SLC4A7: variants seen among roughly 807,000 people sequenced by gnomAD.
SLC4A7 encodes solute carrier family 4 member 7, also known as sodium bicarbonate cotransporter 3.
In SLC4A7, 51 loss-of-function variants were observed where a neutral mutation model predicts 137.6. The ratio of observed to expected loss-of-function variants is 0.37; its 90% CI spans 0.30 to 0.47. SLC4A7 has a LOEUF of 0.47. Among genes scored for constraint, SLC4A7 ranks in the 20% least tolerant of loss-of-function variants. SLC4A7 has a pLI of 1.00. For missense variants in SLC4A7, 1,247 were observed against 1,525.4 expected, an observed-to-expected ratio of 0.82 and a Z score of 3.04; for synonymous variants, 542 against 518.6, an observed-to-expected ratio of 1.05 and a Z score of -0.61.
intron 13 of SLC4A7, 144 bp from the exon 14 acceptor site, chr3:27,405,107 A>G: frequency 2.2e-6 from 1 of 446,632 alleles, no homozygotes; most frequent in Non-Finnish European, 3.8e-6. Context: ...TTTAATTTAA[A>G]ATATAAAAAA....
At position 27,478,205 on chromosome 3, in the gene SLC4A7, A is replaced by AGG. The variant is rs1559857588; in HGVS notation, c.60+5861_60+5862insCC. On this transcript the variant is annotated intron_variant, in intron 1 of 25. Coordinates refer to ENST00000454389, the MANE Select transcript of SLC4A7 (RefSeq NM_001321103.2). The stretch of plus-strand genomic sequence containing the variant: ...ATAAAATTCTCTGAAAAATGAGGAA[A>AGG]AAAAAAAAGGTCATTTAAAACATTA... Among the ~76,000 whole-genome samples, 45 of 102,770 alleles carry AGG rather than the reference A, an allele frequency of 4.4e-4. 2 individuals carry two copies. The highest frequency in any genetic ancestry group is 5.1e-3 in the Middle Eastern group (1 of 196). 67.4% of individuals were successfully genotyped at this position (102,770 alleles called of 152,430 possible).
chr3:27,466,871 T>A lies in SLC4A7; in HGVS notation c.61-14373A>T, dbSNP rs58236108. 5.5e-4 allele frequency among the ~76,000 whole-genome samples: 84 copies of A among 151,984 alleles called. No homozygotes were observed. The Middle Eastern group carries it at 0.01, about 19-fold the overall frequency. ...GACTCCATCTCAAGAAAAAAAAAAT[T>A]TTTTTAATTTTCTTTATATTTTCCT... On this transcript the variant is annotated intron_variant, in intron 1 of 25. Transcript: ENST00000454389.
intron 18 of SLC4A7, among the ~76,000 whole-genome samples, chr3:27,397,475 A>T (rs1436997267): frequency 2.0e-5 from 3 of 151,880 alleles, no homozygotes; most frequent in Admixed American, 2.0e-4. Flanking sequence ...ACCAGCGGTG[A>T]TACTTTTAAG....
At chr3:27,447,817 T>A (rs1211586808) in intron 3 of SLC4A7, among the ~76,000 whole-genome samples, 1 of 152,052 alleles carries the variant, frequency 6.6e-6, no homozygotes, top group Admixed American at 6.6e-5. Context: ...CCTGTCCTTT[T>A]ATATAACTAA....
intron 1 of SLC4A7, among the ~76,000 whole-genome samples, chr3:27,469,207 G>T (rs2059135214): frequency 6.6e-6 from 1 of 152,134 alleles, no homozygotes; most frequent in African/African-American, 2.4e-5. Context: ...CACCGTAGAA[G>T]ATGACTTCTA....
At chr3:27,419,096 G>A (rs2054673837) in intron 10 of SLC4A7, among the ~76,000 whole-genome samples, 1 of 152,124 alleles carries the variant, frequency 6.6e-6, no homozygotes, top group Non-Finnish European at 1.5e-5. Context: ...ATGCAATGGT[G>A]ACAGGTAAGG....
At chr3:27,466,657 G>A (rs982629075) in intron 1 of SLC4A7, among the ~76,000 whole-genome samples, 4 of 152,108 alleles carry the variant, frequency 2.6e-5, no homozygotes, top group African/African-American at 4.8e-5. Context: ...ACGGAGCCCC[G>A]TCTCTATAAA....
chr3:27,374,354 T>C lies in SLC4A7; in HGVS notation c.*2410A>G, dbSNP rs946303741. 4 of 152,552 alleles carry C rather than the reference T, an allele frequency of 2.6e-5. No homozygotes were observed. The highest frequency in any genetic ancestry group is 5.9e-5 in the Non-Finnish European group (4 of 67,954). 9.4% of individuals were successfully genotyped at this position (152,552 alleles called of 1,614,324 possible). ...TATTTTGCACCTTGAGGTAAATCAG[T>C]ACATAGCAACTACTACTGCTTACAT... On this transcript the variant is annotated 3_prime_UTR_variant, in exon 26 of 26. Transcript: ENST00000454389.
At chr3:27,407,568 C>T (rs1017408546) in intron 13 of SLC4A7, among the ~76,000 whole-genome samples, 3 of 152,010 alleles carry the variant, frequency 2.0e-5, no homozygotes, top group Admixed American at 6.6e-5. Flanking sequence ...AGAAGGCCTA[C>T]CTACCCTTAC....
intron 3 of SLC4A7, among the ~76,000 whole-genome samples, chr3:27,447,086 C>T (rs189722757): frequency 1.3e-5 from 2 of 150,104 alleles, no homozygotes; most frequent in Admixed American, 1.3e-4. Flanking sequence ...CGGGGTTTCA[C>T]CATGTTGGCC....
chr3:27,410,626 T>C (rs2053812055), intron 12 of SLC4A7, among the ~76,000 whole-genome samples: 1 of 152,204 alleles, frequency 6.6e-6, no homozygotes, highest in Admixed American at 6.5e-5. Flanking sequence ...ATCAAATTGA[T>C]AATTACTTAA....
intron 1 of SLC4A7, among the ~76,000 whole-genome samples, chr3:27,453,732 T>C (rs987511834): frequency 2.6e-5 from 4 of 152,228 alleles, no homozygotes; most frequent in African/African-American, 7.2e-5. Context: ...TCAAATAAAT[T>C]CCTTGCTATC....
intron 1 of SLC4A7, among the ~76,000 whole-genome samples, chr3:27,473,870 C>G (rs753152082): frequency 6.6e-6 from 1 of 151,408 alleles, no homozygotes; most frequent in Non-Finnish European, 1.5e-5. Context: ...GTGTGTGTAC[C>G]CAAAACAAAA....
chr3:27,395,331 C>T (rs930148724), intron 18 of SLC4A7, among the ~76,000 whole-genome samples: 1 of 152,182 alleles, frequency 6.6e-6, no homozygotes, highest in African/African-American at 2.4e-5. Flanking sequence ...AATCTTTCCA[C>T]CTAGAGGTGG....
intron 13 of SLC4A7, among the ~76,000 whole-genome samples, chr3:27,407,922 C>G (rs553483908): frequency 6.6e-6 from 1 of 152,186 alleles, no homozygotes; most frequent in Admixed American, 6.5e-5. Flanking sequence ...ACTCTACACA[C>G]TCTGGGACCG....
At chr3:27,425,569 G>A (rs563225448) in intron 7 of SLC4A7, among the ~76,000 whole-genome samples, 2 of 145,496 alleles carry the variant, frequency 1.4e-5, no homozygotes, top group African/African-American at 2.6e-5. Flanking sequence ...CCAGCTACTC[G>A]GGAGGCTGAG....
intron 3 of SLC4A7, among the ~76,000 whole-genome samples, chr3:27,442,824 C>T (rs1002927519): frequency 1.3e-5 from 2 of 152,016 alleles, no homozygotes; most frequent in Admixed American, 1.3e-4. Flanking sequence ...TGCTAACAGG[C>T]TGTCCATCTC....
At chr3:27,481,023 T>C (rs893631068) in intron 1 of SLC4A7, among the ~76,000 whole-genome samples, 3 of 152,198 alleles carry the variant, frequency 2.0e-5, no homozygotes, top group Non-Finnish European at 4.4e-5. Flanking sequence ...AAAAATATCA[T>C]GGTCCCAAAA....
chr3:27,464,468 G>A (rs535408793), intron 1 of SLC4A7, among the ~76,000 whole-genome samples: 13 of 152,312 alleles, frequency 8.5e-5, no homozygotes, highest in African/African-American at 2.9e-4. Flanking sequence ...AGCACTTTGG[G>A]AGGCCGAGGC....
Sources: allele counts gnomAD v4.1 joint callset (sites outside exome capture counted in the v4.1 genomes callset), GRCh38; gene constraint gnomAD v4.1.1; transcripts MANE v1.5; gene names NCBI Gene and HGNC (gene_info 2026-07-23, HGNC 2026-07-21).